Variants in COL4A1 observed in about 807,000 individuals in gnomAD.
COL4A1 encodes collagen type IV alpha 1 chain, also known as collagen alpha-1(IV) chain.
A neutral mutation model predicts 216.6 loss-of-function variants in COL4A1; 40 were observed. The observed-to-expected ratio is 0.18, with a 90% CI of 0.14 to 0.24. The LOEUF (loss-of-function observed/expected upper bound fraction) is 0.24, where lower values mean the gene tolerates loss of function less well. Among genes scored for constraint, COL4A1 ranks in the 10% least tolerant of loss-of-function variants. The probability of loss-of-function intolerance (pLI) is 1.00; values close to 1 mark genes in which losing one functional copy is unlikely to be tolerated. For synonymous variants in COL4A1, 839 were observed against 810.7 expected (o/e 1.03, Z -0.59); for missense variants, 1,628 against 2,196.8 (o/e 0.74, Z 5.18).
In COL4A1 at chr13:110,163,522, A is replaced by C; in HGVS notation, c.4190T>G (p.Ile1397Ser). ...GLVGIPGPPG[I>S]PGFDGAPGQK... The stretch of plus-strand genomic sequence containing the variant: ...GCCAGGGGCACCGTCAAACCCAGGA[A>C]TACCTGGAGGTCCAGGTATACCCAC... The change falls in exon 47 of 52, where the codon ATT becomes AGT. Residue 1397 changes from isoleucine (I) to serine (S), a missense_variant. Around this residue, in one of 8 missense-constraint regions of COL4A1, gnomAD observed 345 missense variants for 476.9 expected, o/e 0.72. Transcript: ENST00000375820. 6.2e-7 allele frequency: 1 copy of C among 1,614,154 alleles called. No individual in the cohort carries two copies. The highest frequency in any genetic ancestry group is 8.5e-7 in the Non-Finnish European group (1 of 1,180,020).
rs1884754271 is a variant in COL4A1, at chr13:110,306,933, C to G, written c.84+11G>C. The G allele has an allele frequency of 1.4e-6, 2 of 1,467,860 alleles. No homozygotes were observed. The highest frequency in any genetic ancestry group is 1.3e-5 in the South Asian group (1 of 76,614). 90.9% of individuals were successfully genotyped at this position (1,467,860 alleles called of 1,614,324 possible). A position where few individuals can be genotyped will look rare whatever the true frequency, so the allele number is the denominator to read the frequency against. On this transcript the variant is annotated intron_variant, in intron 1 of 51. Coordinates refer to ENST00000375820, the MANE Select transcript of COL4A1 (RefSeq NM_001845.6). ...GCGGGACGCCGGGAGCGGAGCTGGC[C>G]GGGAACTCACCTTCGCAGCGGCCCG...
intron 1 of COL4A1, among the ~76,000 whole-genome samples, chr13:110,301,104 T>C (rs1884472974): frequency 6.6e-6 from 1 of 152,212 alleles, no homozygotes; most frequent in African/African-American, 2.4e-5. Context: ...TAGTCTGTGG[T>C]GGAATATCTA....
intron 2 of COL4A1, among the ~76,000 whole-genome samples, chr13:110,229,782 G>A (rs1880931092): frequency 6.6e-6 from 1 of 152,212 alleles, no homozygotes; most frequent in Admixed American, 6.5e-5. Context: ...CACTTCTGCT[G>A]CTGAAACCAC....
At chr13:110,299,017 G>A (rs904352250) in intron 1 of COL4A1, 7 of 152,626 alleles carry the variant, frequency 4.6e-5, no homozygotes, top group Non-Finnish European at 8.8e-5. Flanking sequence ...CATGTTTCTG[G>A]AACCTTCCTC....
intron 1 of COL4A1, among the ~76,000 whole-genome samples, chr13:110,286,419 C>G (rs930855016): frequency 6.6e-6 from 1 of 152,140 alleles, no homozygotes. Context: ...CCGGTCAGGC[C>G]CAGACAGGAG....
chr13:110,189,396 T>C (rs1180815474), intron 24 of COL4A1, among the ~76,000 whole-genome samples: 2 of 152,228 alleles, frequency 1.3e-5, no homozygotes, highest in East Asian at 3.8e-4. Flanking sequence ...CAGCCACCAC[T>C]GGCCAGCAGC....
intron 50 of COL4A1, among the ~76,000 whole-genome samples, chr13:110,154,029 T>C (rs1036786081): frequency 1.3e-5 from 2 of 152,296 alleles, no homozygotes; most frequent in South Asian, 4.1e-4. Flanking sequence ...TTCCCGCCAA[T>C]TTTTTCTACA....
chr13:110,188,635 C>G (rs770000633), intron 24 of COL4A1, among the ~76,000 whole-genome samples: 1 of 152,220 alleles, frequency 6.6e-6, no homozygotes, highest in Non-Finnish European at 1.5e-5. Flanking sequence ...GTACCTTATG[C>G]CTGTGCCTCT....
At chr13:110,241,202 A>G (rs186652429) in intron 2 of COL4A1, among the ~76,000 whole-genome samples, 2 of 152,288 alleles carry the variant, frequency 1.3e-5, no homozygotes, top group Admixed American at 1.3e-4. Flanking sequence ...AGATGCGGAT[A>G]GAATAAGAAA....
At chr13:110,216,236 C>T (rs1880068404) in intron 2 of COL4A1, among the ~76,000 whole-genome samples, 1 of 152,128 alleles carries the variant, frequency 6.6e-6, no homozygotes. Flanking sequence ...ATTCCCAGAC[C>T]AGGACTTGTT....
intron 1 of COL4A1, among the ~76,000 whole-genome samples, chr13:110,305,217 A>T (rs1251099973): frequency 2.0e-5 from 3 of 152,232 alleles, no homozygotes; most frequent in Non-Finnish European, 2.9e-5. Flanking sequence ...CATCTCTTAA[A>T]AACAGTCCAT....
At chr13:110,280,886 T>A (rs1883604882) in intron 1 of COL4A1, among the ~76,000 whole-genome samples, 1 of 152,202 alleles carries the variant, frequency 6.6e-6, no homozygotes. Flanking sequence ...TTTCTTACTC[T>A]AATGCTCTGC....
chr13:110,248,083 C>A (rs1195740045), intron 1 of COL4A1, among the ~76,000 whole-genome samples: 1 of 151,652 alleles, frequency 6.6e-6, no homozygotes, highest in Non-Finnish European at 1.5e-5. Flanking sequence ...AACAGCTTAT[C>A]TTTCAAATTC....
At chr13:110,254,381 G>T (rs999386526) in intron 1 of COL4A1, among the ~76,000 whole-genome samples, 1 of 152,158 alleles carries the variant, frequency 6.6e-6, no homozygotes, top group Non-Finnish European at 1.5e-5. Flanking sequence ...TGAGGGCTCC[G>T]TTTGCCTCTG....
At chr13:110,273,813 A>G (rs963424840) in intron 1 of COL4A1, among the ~76,000 whole-genome samples, 1 of 152,168 alleles carries the variant, frequency 6.6e-6, no homozygotes, top group Non-Finnish European at 1.5e-5. Context: ...TAATCAGTCA[A>G]GTGAGGCTGA....
chr13:110,222,073 T>C (rs1460234737), intron 2 of COL4A1, among the ~76,000 whole-genome samples: 1 of 152,106 alleles, frequency 6.6e-6, no homozygotes, highest in Non-Finnish European at 1.5e-5. Context: ...GGTCGGGGCG[T>C]CCGTAGACAC....
chr13:110,179,103 ATG>A, intron 30 of COL4A1, 67 bp from the exon 31 acceptor site: 2 of 1,532,400 alleles, frequency 1.3e-6, no homozygotes, highest in Non-Finnish European at 1.8e-6. Context: ...TAGGAGACCC[ATG>A]CACACGAATG....
rs913132642 is a variant in COL4A1 at position 110,219,521 on chromosome 13, A to G, written c.145-5506T>C. On this transcript the variant is annotated intron_variant, in intron 2 of 51. Transcript: ENST00000375820. ...CCAGACGTCTAGCTTGAGACAGTGA[A>G]TATCAGGAAATGTGTGCAGTGGCCC... Among the ~76,000 whole-genome samples the G allele has an allele frequency of 3.3e-5, 5 of 151,890 alleles. No individual in the cohort carries two copies. The East Asian group carries it at 7.7e-4, about 23-fold the overall frequency.
chr13:110,167,283 T>C, intron 43 of COL4A1, 53 bp from the exon 44 acceptor site: 2 of 1,365,040 alleles, frequency 1.5e-6, no homozygotes, highest in Admixed American at 3.4e-5. Context: ...AGGTTAAGTC[T>C]CTCCAGTAAC....
Sources: gnomAD v4.1 joint callset for allele counts (sites outside exome capture counted in the v4.1 genomes callset) on GRCh38, gnomAD v4.1.1 for gene constraint, gnomAD v4.1.1 regional missense constraint, MANE v1.5 for transcripts, NCBI Gene and HGNC (gene_info 2026-07-23, HGNC 2026-07-21) for gene names.